Variants in PIK3C3 observed in about 807,000 individuals in gnomAD.
The protein encoded by PIK3C3 is PI3-kinase type 3.
PIK3C3 carries 95 observed loss-of-function variants against 126.1 expected under a neutral mutation model. The ratio of observed to expected loss-of-function variants is 0.75; its 90% CI spans 0.64 to 0.89. The LOEUF is 0.89. Among genes scored for constraint, PIK3C3 ranks in the 40% least tolerant of loss-of-function variants. PIK3C3 has a pLI of 0.00. For missense variants in PIK3C3, 829 were observed against 1,063.2 expected (o/e 0.78, Z 3.06); for synonymous variants, 374 against 360.0 (o/e 1.04, Z -0.44).
chr18:42,062,835 C>T (rs1047243974), intron 22 of PIK3C3, among the ~76,000 whole-genome samples: 2 of 152,114 alleles, frequency 1.3e-5, no homozygotes, highest in South Asian at 2.1e-4. Context: ...TTAGCCTCTC[C>T]TATCTTGGTG....
At chr18:42,017,060 G>A (rs577843237) in intron 12 of PIK3C3, among the ~76,000 whole-genome samples, 4 of 152,196 alleles carry the variant, frequency 2.6e-5, no homozygotes, top group Admixed American at 6.5e-5. Flanking sequence ...TTTGTCAGCT[G>A]AATAGTTTTT....
At chr18:42,079,996 AGAGTGTGTGT>A (rs1986189264) in intron 24 of PIK3C3, among the ~76,000 whole-genome samples, 1 of 135,620 alleles carries the variant, frequency 7.4e-6, no homozygotes. Flanking sequence ...TGTAAGAGAG[AGAGTGTGTGT>A]GTGTGTGTGT....
chr18:41,997,460 C>A (rs1053877155), intron 9 of PIK3C3, among the ~76,000 whole-genome samples: 3 of 151,968 alleles, frequency 2.0e-5, no homozygotes, highest in African/African-American at 7.2e-5. Context: ...TACTGTTGCC[C>A]CTAAGAAGCT....
intron 22 of PIK3C3, among the ~76,000 whole-genome samples, chr18:42,064,403 A>G (rs1038583534): frequency 1.3e-5 from 2 of 152,228 alleles, no homozygotes; most frequent in Admixed American, 1.3e-4. Flanking sequence ...TTTAATTGTT[A>G]TAAAATGTGA....
intron 9 of PIK3C3, among the ~76,000 whole-genome samples, chr18:42,003,348 A>G (rs1982383959): frequency 6.6e-6 from 1 of 152,200 alleles, no homozygotes; most frequent in African/African-American, 2.4e-5. Flanking sequence ...GACAAAGAAG[A>G]AGAAAACATC....
chr18:41,983,110 G>A (rs1196903854), intron 4 of PIK3C3, among the ~76,000 whole-genome samples: 5 of 152,052 alleles, frequency 3.3e-5, no homozygotes, highest in African/African-American at 7.2e-5. Flanking sequence ...CAGTCATAAG[G>A]TATTACTTTC....
chr18:41,996,357 T>C (rs756359491), intron 8 of PIK3C3, among the ~76,000 whole-genome samples: 4 of 152,168 alleles, frequency 2.6e-5, no homozygotes, highest in Non-Finnish European at 5.9e-5. Flanking sequence ...GAAGACGTTG[T>C]TATTTTGCTA....
intron 2 of PIK3C3, among the ~76,000 whole-genome samples, chr18:41,959,860 T>C (rs1224644278): frequency 6.6e-6 from 1 of 152,166 alleles, no homozygotes; most frequent in African/African-American, 2.4e-5. Context: ...TCCTGCTCTT[T>C]AGTATTCGAA....
intron 22 of PIK3C3, 100 bp downstream of exon 22, chr18:42,058,151 C>T (rs76853733): frequency 0.062 from 57,031 of 926,230 alleles, 2,197 homozygotes; most frequent in Non-Finnish European, 0.074. Flanking sequence ...GCATTGATCA[C>T]TTTTTCAAAA....
intron 4 of PIK3C3, chr18:41,985,055 A>G (rs998212841): frequency 3.9e-5 from 6 of 152,118 alleles, no homozygotes; most frequent in African/African-American, 1.4e-4. Flanking sequence ...GAGAGGCCCT[A>G]CCACCCTGGT....
At chr18:41,966,914 A>G (rs1980398554) in intron 3 of PIK3C3, among the ~76,000 whole-genome samples, 1 of 152,184 alleles carries the variant, frequency 6.6e-6, no homozygotes, top group African/African-American at 2.4e-5. Context: ...ATATAGGTCT[A>G]AGATATTTTG....
intron 15 of PIK3C3, among the ~76,000 whole-genome samples, chr18:42,032,201 G>A (rs1983860090): frequency 6.6e-6 from 1 of 152,200 alleles, no homozygotes; most frequent in Non-Finnish European, 1.5e-5. Flanking sequence ...GCACAGCCCC[G>A]GAGGTGGGAG....
At chr18:42,061,159 C>T (rs1489055096) in intron 22 of PIK3C3, among the ~76,000 whole-genome samples, 1 of 152,120 alleles carries the variant, frequency 6.6e-6, no homozygotes, top group Non-Finnish European at 1.5e-5. Flanking sequence ...TTGAACATTA[C>T]ATGCAACCTG....
chr18:42,013,730 A>G, intron 11 of PIK3C3, 134 bp downstream of exon 11: 2 of 653,864 alleles, frequency 3.1e-6, no homozygotes, highest in South Asian at 3.9e-5. Context: ...TGAATATTGC[A>G]TGTGTACTCA....
At position 42,013,113 on chromosome 18, in the gene PIK3C3, C is replaced by CTT. The variant is rs67564071; in HGVS notation, c.1171-311_1171-310dup. ...TGCAAAGCATCTTGAATCCTTCCCA[C>CTT]TTTTTTTTTTTTTTTTTTTGAAACT... On this transcript the variant is annotated intron_variant, in intron 10 of 24. Transcript: ENST00000262039. Among the ~76,000 whole-genome samples the CTT allele has an allele frequency of 3.5e-3, 478 of 136,808 alleles. 4 individuals are homozygous for CTT. Among genetic ancestry groups the CTT allele is most frequent in the African/African-American group, 0.012 (427 of 36,864 alleles). 89.8% of individuals were successfully genotyped at this position (136,808 alleles called of 152,430 possible).
intron 10 of PIK3C3, among the ~76,000 whole-genome samples, chr18:42,013,067 T>G (rs529980992): frequency 6.6e-6 from 1 of 152,102 alleles, no homozygotes; most frequent in South Asian, 2.1e-4. Flanking sequence ...AAAAGGATCC[T>G]TCTATAATTT....
intron 14 of PIK3C3, among the ~76,000 whole-genome samples, chr18:42,028,291 C>G (rs1038466771): frequency 5.9e-5 from 9 of 152,144 alleles, no homozygotes; most frequent in African/African-American, 1.7e-4. Flanking sequence ...AGGCTATGTA[C>G]ATTTCCAGAA....
In PIK3C3 at chr18:42,020,716, A is replaced by G; in HGVS notation, c.1484+11A>G. On this transcript the variant is annotated intron_variant, in intron 13 of 24. Coordinates refer to ENST00000262039, the MANE Select transcript of PIK3C3 (RefSeq NM_002647.4). ...TAATTATTTATACTGGTATGTAAAA[A>G]TAATTTTCTGTTTATTTTCTTATTA... The G allele has an allele frequency of 6.7e-7, 1 of 1,492,348 alleles. No homozygotes were observed. Among genetic ancestry groups the G allele is most frequent in the Non-Finnish European group, 9.3e-7 (1 of 1,078,474 alleles). The allele number at this position is 1,492,348 out of a possible 1,614,324, so 92.4% of individuals were successfully genotyped here.
chr18:41,980,079 A>G (rs1298945677), intron 4 of PIK3C3, among the ~76,000 whole-genome samples: 2 of 152,078 alleles, frequency 1.3e-5, no homozygotes, highest in Non-Finnish European at 2.9e-5. Flanking sequence ...TAACAGAATA[A>G]ATTGTTTAGA....
Sources: allele counts gnomAD v4.1 joint callset (sites outside exome capture counted in the v4.1 genomes callset), GRCh38; gene constraint gnomAD v4.1.1; transcripts MANE v1.5; gene names NCBI Gene and HGNC (gene_info 2026-07-23, HGNC 2026-07-21).